The following ARHGAP35 variants were observed in gnomAD, a reference collection of about 807,000 sequenced individuals.
ARHGAP35 encodes the protein rho GTPase-activating protein 35.
A neutral mutation model predicts 111.1 loss-of-function variants in ARHGAP35; 15 were observed. The observed-to-expected ratio is 0.13, with a 90% CI of 0.09 to 0.21. The LOEUF (loss-of-function observed/expected upper bound fraction) is 0.21. ARHGAP35 is among the 10% of genes least tolerant of loss of function. ARHGAP35 has a pLI of 1.00. For missense variants in ARHGAP35, 1,262 were observed against 1,873.0 expected, an observed-to-expected ratio of 0.67 and a Z score of 6.02; for synonymous variants, 643 against 710.3, an observed-to-expected ratio of 0.91 and a Z score of 1.51.
intron 2 of ARHGAP35, among the ~76,000 whole-genome samples, chr19:46,935,199 G>A (rs1360749322): frequency 6.6e-6 from 1 of 152,192 alleles, no homozygotes; most frequent in South Asian, 2.1e-4. Context: ...TTTATGAGGA[G>A]CAGGTATCTC....
At chr19:46,936,137 G>A (rs2056305903) in intron 2 of ARHGAP35, among the ~76,000 whole-genome samples, 1 of 152,138 alleles carries the variant, frequency 6.6e-6, no homozygotes, top group East Asian at 1.9e-4. Context: ...CCAGCTTTGG[G>A]ATGCTGAGGT....
At chr19:46,974,447 A>G (rs1327472036) in intron 3 of ARHGAP35, among the ~76,000 whole-genome samples, 1 of 152,208 alleles carries the variant, frequency 6.6e-6, no homozygotes, top group African/African-American at 2.4e-5. Flanking sequence ...GAATTCAAGA[A>G]AACGCTTAAC....
intron 1 of ARHGAP35, among the ~76,000 whole-genome samples, chr19:46,913,059 TAC>T (rs2056146630): frequency 6.6e-6 from 1 of 151,874 alleles, no homozygotes. Flanking sequence ...ATTATTTCCT[TAC>T]AGTGTTACTA....
rs1172205934 is a variant in ARHGAP35, at chr19:46,992,970, C to CA, written c.4036+3296dup. ...GGATCCTGCCTTCCTTTGATCTGTCCACATAGCTGCCCGAGGGCACGGGGG... is the reference window on the plus strand; with the variant it reads ...GGATCCTGCCTTCCTTTGATCTGTCCAACATAGCTGCCCGAGGGCACGGGGG... On this transcript the variant is annotated intron_variant, in intron 5 of 6. Transcript: ENST00000672722. The surrounding 1 kb of genome is among the most constrained non-coding windows in gnomAD (Gnocchi z 4.4). Among the ~76,000 whole-genome samples the CA allele has an allele frequency of 6.6e-5, 10 of 152,286 alleles. No homozygotes were observed. Among genetic ancestry groups the CA allele is most frequent in the Middle Eastern group, 3.4e-3 (1 of 294 alleles).
At chr19:46,903,331 T>C (rs377753708) in intron 1 of ARHGAP35, among the ~76,000 whole-genome samples, 42 of 152,326 alleles carry the variant, frequency 2.8e-4, no homozygotes, top group African/African-American at 1.0e-3. Flanking sequence ...AGGGTTTTTA[T>C]AATGGTGATG....
chr19:46,982,825 G>A (rs917834405), intron 3 of ARHGAP35, among the ~76,000 whole-genome samples: 3 of 151,752 alleles, frequency 2.0e-5, no homozygotes, highest in Admixed American at 2.0e-4. Context: ...CAAGAGGATC[G>A]CTGGAGCCCA....
intron 3 of ARHGAP35, among the ~76,000 whole-genome samples, chr19:46,977,585 A>C (rs971723590): frequency 6.6e-6 from 1 of 152,210 alleles, no homozygotes; most frequent in Non-Finnish European, 1.5e-5. Context: ...ACGGGTGATG[A>C]GAGGACTCTG....
chr19:46,968,264 A>G (rs1425472280), intron 3 of ARHGAP35, among the ~76,000 whole-genome samples: 1 of 152,254 alleles, frequency 6.6e-6, no homozygotes, highest in Non-Finnish European at 1.5e-5. Context: ...GCAAATGCCC[A>G]GTGTTTAGTG....
At chr19:46,874,798 G>A (rs371315895) in intron 1 of ARHGAP35, among the ~76,000 whole-genome samples, 43 of 136,950 alleles carry the variant, frequency 3.1e-4, no homozygotes, top group South Asian at 9.4e-4. Context: ...CACTGCGCCC[G>A]GCAGTTTTGT....
rs574086891 is a variant in ARHGAP35, at chr19:46,862,040, G to A, written c.-189+831G>A. On this transcript the variant is annotated intron_variant, in intron 1 of 6. Coordinates refer to ENST00000672722, the MANE Select transcript of ARHGAP35 (RefSeq NM_004491.5). ...ATCCCCTCGGACTTGGCTGCACCGTGCTTGCCTGTTCCCCTTCTCAGCTCT... is the reference window on the plus strand; with the variant it reads ...ATCCCCTCGGACTTGGCTGCACCGTACTTGCCTGTTCCCCTTCTCAGCTCT... 1.2e-3 allele frequency among the ~76,000 whole-genome samples: 187 copies of A among 152,220 alleles called. 1 individual carries two copies. Among genetic ancestry groups the A allele is most frequent in the African/African-American group, 4.2e-3 (176 of 41,516 alleles).
chr19:46,962,925 T>G (rs916843780), intron 3 of ARHGAP35, among the ~76,000 whole-genome samples: 7 of 152,200 alleles, frequency 4.6e-5, no homozygotes, highest in African/African-American at 1.7e-4. Context: ...CCTCTCATTC[T>G]TAGTCCTTTT....
In ARHGAP35 at chr19:46,999,281, G is replaced by C. The variant is rs1599875987; in HGVS notation, c.4037-23G>C. The C allele has an allele frequency of 3.9e-6, 6 of 1,545,404 alleles. No individual in the cohort carries two copies. The Admixed American group carries it at 7.7e-5, about 20-fold the overall frequency. ...ACCAGCCTCGGCCATGAAAGGCAAG[G>C]CTTTGGTTTTCTCTCTCCTCAGAAA... On this transcript the variant is annotated intron_variant, in intron 5 of 6. Coordinates refer to ENST00000672722, the MANE Select transcript of ARHGAP35 (RefSeq NM_004491.5). The surrounding 1 kb of genome is among the most constrained non-coding windows in gnomAD (Gnocchi z 5.4).
intron 3 of ARHGAP35, among the ~76,000 whole-genome samples, chr19:46,956,195 G>A (rs944162962): frequency 1.3e-5 from 2 of 152,160 alleles, no homozygotes; most frequent in African/African-American, 2.4e-5. Flanking sequence ...GCGTGCACCT[G>A]TAGTCCCAGC....
At chr19:46,896,989 G>C (rs1230457076) in intron 1 of ARHGAP35, among the ~76,000 whole-genome samples, 3 of 151,942 alleles carry the variant, frequency 2.0e-5, no homozygotes, top group Non-Finnish European at 4.4e-5. Context: ...CGCCTCCCAG[G>C]CTCAAGGGAT....
chr19:46,956,798 A>C lies in ARHGAP35; in HGVS notation c.3826+19390A>C, dbSNP rs1038858774. 4.6e-5 allele frequency among the ~76,000 whole-genome samples: 7 copies of C among 152,118 alleles called. No homozygotes were observed. The South Asian group carries it at 1.5e-3, about 32-fold the overall frequency. On this transcript the variant is annotated intron_variant, in intron 3 of 6. Coordinates refer to ENST00000672722, the MANE Select transcript of ARHGAP35 (RefSeq NM_004491.5). ...AAGTGACTTACCCTGTCTAAGCCTCAGTTTCCTCATCTGTTAAACAGGCAT... is the reference window on the plus strand; with the variant it reads ...AAGTGACTTACCCTGTCTAAGCCTCCGTTTCCTCATCTGTTAAACAGGCAT...
chr19:46,923,102 CT>C (rs397976247), intron 2 of ARHGAP35, among the ~76,000 whole-genome samples: 186 of 123,648 alleles, frequency 1.5e-3, no homozygotes, highest in South Asian at 3.6e-3. Flanking sequence ...AATGAAGTCT[CT>C]TTTTTTTTTT....
chr19:46,970,985 G>T (rs1226425086), intron 3 of ARHGAP35, among the ~76,000 whole-genome samples: 4 of 152,114 alleles, frequency 2.6e-5, no homozygotes, highest in Non-Finnish European at 5.9e-5. Flanking sequence ...CTCCAAAACA[G>T]ACAGTCATTG....
rs2056203535 is a variant in ARHGAP35 at position 46,921,883 on chromosome 19, T to A, written c.3208T>A (p.Ser1070Thr). 2 of 1,613,970 alleles carry A rather than the reference T, an allele frequency of 1.2e-6. No individual in the cohort carries two copies. The highest frequency in any genetic ancestry group is 1.7e-6 in the Non-Finnish European group (2 of 1,179,880). Residue 1070 changes from serine (S) to threonine (T), a missense_variant, in exon 2 of 7, where the codon TCT becomes ACT. By Grantham distance (58) the Ser-to-Thr change is moderately conservative. Coordinates refer to ENST00000672722, the MANE Select transcript of ARHGAP35 (RefSeq NM_004491.5). This position sits in a 1 kb window ranked among gnomAD's most constrained non-coding sequence, Gnocchi z 4.3. ...DQGHRDGQRK[S>T]VSSSPWLPQD... is the part of the protein sequence containing the mutation. ...AGGCCATAGGGATGGACAGAGGAAG[T>A]CTGTGTCTTCTAGCCCCTGGCTGCC...
chr19:46,898,882 G>A (rs2056070418), intron 1 of ARHGAP35, among the ~76,000 whole-genome samples: 1 of 152,074 alleles, frequency 6.6e-6, no homozygotes, highest in Non-Finnish European at 1.5e-5. Flanking sequence ...TGGAACCTGC[G>A]GTGTGTGTAG....
Sources: gnomAD v4.1 joint callset for allele counts (sites outside exome capture counted in the v4.1 genomes callset) on GRCh38, gnomAD v4.1.1 for gene constraint, Gnocchi (gnomAD v3.1) non-coding constraint, MANE v1.5 for transcripts, NCBI Gene and HGNC (gene_info 2026-07-23, HGNC 2026-07-21) for gene names.